Variants in TMX1 observed in about 807,000 individuals in gnomAD.
TMX1 encodes thioredoxin-related transmembrane protein 1.
Under a neutral mutation model 36.6 loss-of-function variants are expected in TMX1, and 25 were observed. That is an observed-to-expected ratio of 0.68 (90% CI 0.50 to 0.95). The LOEUF is 0.95. Among genes scored for constraint, TMX1 ranks in the 40% least tolerant of loss-of-function variants. TMX1 has a pLI of 0.00. For missense variants in TMX1, 347 were observed against 339.6 expected (o/e 1.02, Z -0.17); for synonymous variants, 133 against 118.0 (o/e 1.13, Z -0.82).
intron 1 of TMX1, among the ~76,000 whole-genome samples, chr14:51,243,580 A>G (rs979944536): frequency 2.0e-5 from 3 of 152,218 alleles, no homozygotes; most frequent in African/African-American, 4.8e-5. Flanking sequence ...GAGAAATGCA[A>G]AAGTTTTCTA....
intron 2 of TMX1, among the ~76,000 whole-genome samples, chr14:51,244,679 GTAATATTTATC>G (rs1245660974): frequency 6.6e-6 from 1 of 151,922 alleles, no homozygotes; most frequent in African/African-American, 2.4e-5. Flanking sequence ...GTAATAATAG[GTAATATTTATC>G]GAGCGCTTGC....
intron 4 of TMX1, 45 bp downstream of exon 4, chr14:51,247,265 G>T: frequency 6.4e-7 from 1 of 1,570,064 alleles, no homozygotes; most frequent in South Asian, 1.2e-5. Context: ...TAATTAATTG[G>T]AACAGATAAT....
At position 51,240,358 on chromosome 14, in the gene TMX1, C is replaced by T. The variant is rs777778370; in HGVS notation, c.66C>T (p.Pro22=). 5 of 1,614,054 alleles carry T rather than the reference C, an allele frequency of 3.1e-6. No homozygotes were observed. The highest frequency in any genetic ancestry group is 1.7e-5 in the Admixed American group (1 of 60,038). The change falls in exon 1 of 8, where the codon CCC becomes CCT. Residue 22 remains proline, a synonymous_variant. Transcript: ENST00000457354. ...TGGTGCTGTTGCTTTGGGGTGCTCC[C>T]TGGACGCACGGGCGGCGGAGCAACG... ...AVLVLLLWGA[P]WTHGRRSNVR... is the part of the protein sequence containing the mutation.
At chr14:51,243,690 T>G (rs2065772477) in intron 1 of TMX1, among the ~76,000 whole-genome samples, 166 bp from the exon 2 acceptor site, 1 of 152,240 alleles carries the variant, frequency 6.6e-6, no homozygotes, top group Non-Finnish European at 1.5e-5. Flanking sequence ...GATTGTTAGA[T>G]CTACCCTTAA....
intron 7 of TMX1, among the ~76,000 whole-genome samples, chr14:51,250,116 A>G (rs1270336366): frequency 1.3e-5 from 2 of 152,230 alleles, no homozygotes; most frequent in Non-Finnish European, 2.9e-5. Context: ...ACATTTGAAG[A>G]TTATTCTTTG....
In TMX1 at chr14:51,245,613, G is replaced by A. The variant is rs2065782154; in HGVS notation, c.314+255G>A. 14 of 784,338 alleles carry A rather than the reference G, an allele frequency of 1.8e-5. No individual in the cohort carries two copies. In the South Asian group the frequency reaches 2.3e-4, roughly 13 times the overall value. The allele number at this position is 784,338 out of a possible 1,614,324, so 48.6% of individuals were successfully genotyped here. A position where few individuals can be genotyped will look rare whatever the true frequency, so the allele number is the denominator to read the frequency against. On this transcript the variant is annotated intron_variant, in intron 3 of 7. Transcript: ENST00000457354. ...TGTTCTTGTGAAATGGTGTGATCCT[G>A]TTCAGCGTGTTAAGTCATTATGCAT...
At chr14:51,254,273 A>G in intron 7 of TMX1, 68 bp from the exon 8 acceptor site, 1 of 1,424,468 alleles carries the variant, frequency 7.0e-7, no homozygotes, top group East Asian at 2.4e-5. Flanking sequence ...GAGACATTGT[A>G]TCTTGATTTT....
intron 2 of TMX1, 150 bp downstream of exon 2, chr14:51,244,121 C>T (rs1169242490): frequency 3.7e-6 from 2 of 547,374 alleles, no homozygotes; most frequent in Admixed American, 3.9e-5. Context: ...TGTCCACCTC[C>T]CTGCTGGGGG....
chr14:51,251,718 A>G (rs2065814698), intron 7 of TMX1, among the ~76,000 whole-genome samples: 1 of 152,244 alleles, frequency 6.6e-6, no homozygotes, highest in South Asian at 2.1e-4. Context: ...AGCAAACTTG[A>G]GAGTGTCTGA....
At chr14:51,241,600 C>T (rs549296743) in intron 1 of TMX1, among the ~76,000 whole-genome samples, 20 of 152,146 alleles carry the variant, frequency 1.3e-4, no homozygotes, top group East Asian at 1.9e-4. Context: ...AAGTGGCGTA[C>T]GCTACCCAGG....
At chr14:51,246,885 CT>C (rs1269845234) in intron 3 of TMX1, among the ~76,000 whole-genome samples, 2 of 151,984 alleles carry the variant, frequency 1.3e-5, no homozygotes, top group African/African-American at 4.8e-5. Flanking sequence ...CATTTTAAGG[CT>C]TATGATTTAA....
At chr14:51,246,466 T>C (rs1353826738) in intron 3 of TMX1, among the ~76,000 whole-genome samples, 1 of 152,164 alleles carries the variant, frequency 6.6e-6, no homozygotes, top group Non-Finnish European at 1.5e-5. Flanking sequence ...AGTAGGGAGC[T>C]GATGAGTTTT....
intron 1 of TMX1, among the ~76,000 whole-genome samples, chr14:51,241,876 T>G (rs1269568426): frequency 6.6e-6 from 1 of 152,188 alleles, no homozygotes; most frequent in African/African-American, 2.4e-5. Context: ...ACGCCTGTAA[T>G]CCCAGCACTT....
chr14:51,244,085 AC>A, intron 2 of TMX1, 114 bp downstream of exon 2: 3 of 858,996 alleles, frequency 3.5e-6, no homozygotes, highest in Non-Finnish European at 3.3e-6. Flanking sequence ...TGAAAACCTA[AC>A]AGTCTGCAGC....
In TMX1 at chr14:51,245,375, T is replaced by A; in HGVS notation, c.314+17T>A. 1 of 1,613,396 alleles carries A rather than the reference T, an allele frequency of 6.2e-7. No individual in the cohort carries two copies. The highest frequency in any genetic ancestry group is 8.5e-7 in the Non-Finnish European group (1 of 1,179,640). Reference sequence around the variant, plus strand: ...TATTTATCAGTAAGTATTTGAAGATTCTAAATTATGGAGAAGGATGCATTA... The same window carrying A: ...TATTTATCAGTAAGTATTTGAAGATACTAAATTATGGAGAAGGATGCATTA... On this transcript the variant is annotated intron_variant, in intron 3 of 7. Transcript: ENST00000457354.
intron 4 of TMX1, 56 bp from the exon 5 acceptor site, chr14:51,249,270 G>T (rs1350062827): frequency 7.1e-7 from 1 of 1,417,644 alleles, no homozygotes; most frequent in Non-Finnish European, 9.7e-7. Flanking sequence ...AAAATAGTAT[G>T]TATAGACAAA....
intron 7 of TMX1, among the ~76,000 whole-genome samples, chr14:51,251,957 A>G (rs1490596233): frequency 6.6e-6 from 1 of 152,078 alleles, no homozygotes. Flanking sequence ...TTTGGTGTTG[A>G]CCATACAAAC....
At chr14:51,244,695 G>A (rs145606214) in intron 2 of TMX1, among the ~76,000 whole-genome samples, 271 of 152,074 alleles carry the variant, frequency 1.8e-3, no homozygotes, top group Middle Eastern at 0.01. Flanking sequence ...TTTATCGAGC[G>A]CTTGCCTATT....
rs2065836409 is a variant in TMX1 at position 51,255,945 on chromosome 14, T to C, written c.*1426T>C. On this transcript the variant is annotated 3_prime_UTR_variant, in exon 8 of 8. Coordinates refer to ENST00000457354, the MANE Select transcript of TMX1 (RefSeq NM_030755.5). ...TTCTTTAAAGCCCTCTCCTTTAGAA[T>C]TTAAAATATTGTACCATTGAAGAGT... 1 of 152,536 alleles carries C rather than the reference T, an allele frequency of 6.6e-6. No homozygotes were observed. The highest frequency in any genetic ancestry group is 2.4e-5 in the African/African-American group (1 of 41,460). The allele number at this position is 152,536 out of a possible 1,614,324, so 9.4% of individuals were successfully genotyped here.
Sources: gnomAD v4.1 joint callset for allele counts (sites outside exome capture counted in the v4.1 genomes callset) on GRCh38, gnomAD v4.1.1 for gene constraint, MANE v1.5 for transcripts, NCBI Gene and HGNC (gene_info 2026-07-23, HGNC 2026-07-21) for gene names.